The following TBPL1 variants were observed in gnomAD, a reference collection of about 807,000 sequenced individuals.
TBPL1 encodes TATA-box binding protein like 1, also known as TATA box-binding protein-like 1.
A neutral mutation model predicts 22.1 loss-of-function variants in TBPL1; 4 were observed. That is an observed-to-expected ratio of 0.18 (90% confidence interval 0.09 to 0.41). The LOEUF (loss-of-function observed/expected upper bound fraction) is 0.41, where lower values mean the gene tolerates loss of function less well. TBPL1 is among the 10% of genes least tolerant of loss of function. The probability of loss-of-function intolerance (pLI) is 1.00; values close to 1 mark genes in which losing one functional copy is unlikely to be tolerated. For missense variants in TBPL1, 115 were observed against 222.3 expected, an observed-to-expected ratio of 0.52 and a Z score of 3.07; for synonymous variants, 64 against 71.0, an observed-to-expected ratio of 0.90 and a Z score of 0.50.
At chr6:133,976,121 C>T (rs538823297) in intron 1 of TBPL1, among the ~76,000 whole-genome samples, 14 of 151,978 alleles carry the variant, frequency 9.2e-5, no homozygotes, top group Non-Finnish European at 1.8e-4. Context: ...TGTCAAAGGG[C>T]TTGTAGGAAA....
chr6:133,974,544 G>A (rs1453490641), intron 1 of TBPL1, among the ~76,000 whole-genome samples: 3 of 152,180 alleles, frequency 2.0e-5, no homozygotes, highest in African/African-American at 4.8e-5. Flanking sequence ...GGTCAGGCTG[G>A]TCTCAAACTC....
rs1387263063 is a variant in TBPL1 at position 133,987,972 on chromosome 6, C to T, written c.*932C>T. The T allele has an allele frequency of 1.3e-5, 2 of 152,058 alleles. No individual in the cohort carries two copies. Among genetic ancestry groups the T allele is most frequent in the Admixed American group, 1.3e-4 (2 of 15,250 alleles). The allele number at this position is 152,058 out of a possible 1,614,324, so 9.4% of individuals were successfully genotyped here. On this transcript the variant is annotated 3_prime_UTR_variant, in exon 7 of 7. Transcript: ENST00000237264. ...TTTGTTTTTCTGGAAAGACTCAACA[C>T]CTGTAGTTGTAGAGAAGTGATTGAG...
intron 2 of TBPL1, among the ~76,000 whole-genome samples, chr6:133,982,222 C>G (rs1336279110): frequency 6.6e-6 from 1 of 152,140 alleles, no homozygotes; most frequent in African/African-American, 2.4e-5. Context: ...GCTTCTGAAG[C>G]ATGAACAGAT....
intron 6 of TBPL1, among the ~76,000 whole-genome samples, chr6:133,984,951 T>C (rs1434466748): frequency 6.6e-6 from 1 of 152,018 alleles, no homozygotes; most frequent in Non-Finnish European, 1.5e-5. Context: ...TTCGTTCTTA[T>C]TGGGCATTTG....
Position 133,980,145 on chromosome 6 carries a change from T to A in TBPL1, c.20T>A (p.Val7Asp). Residue 7 changes from valine to aspartate, a missense_variant, in exon 2 of 7, where the codon GTT becomes GAT. By Grantham distance (152) the Val-to-Asp change is radical (BLOSUM62 -3). Coordinates refer to ENST00000237264, the MANE Select transcript of TBPL1 (RefSeq NM_004865.4). MDADSD[V>D]ALDILITNVV... ...ACCCCAATGGATGCAGACAGTGATG[T>A]TGCATTGGACATTCTAATTACAAAT... The A allele has an allele frequency of 6.3e-7, 1 of 1,584,636 alleles. No individual in the cohort carries two copies. The highest frequency in any genetic ancestry group is 8.6e-7 in the Non-Finnish European group (1 of 1,166,842).
intron 6 of TBPL1, among the ~76,000 whole-genome samples, chr6:133,985,431 A>C (rs968066545): frequency 6.7e-6 from 1 of 149,388 alleles, no homozygotes; most frequent in African/African-American, 2.5e-5. Context: ...TGAGAAACTC[A>C]TAAATTTCAC....
In TBPL1 at chr6:133,986,897, C is replaced by G; in HGVS notation, c.482-64C>G. On this transcript the variant is annotated intron_variant, in intron 6 of 6. Coordinates refer to ENST00000237264, the MANE Select transcript of TBPL1 (RefSeq NM_004865.4). ...TTGAATATTTTTAATTCTGGAAAAT[C>G]AGTTTTTCCTAGTGCTCCCTTTTCC... is the stretch of plus-strand genomic sequence containing the variant. 5.3e-6 allele frequency: 6 copies of G among 1,134,732 alleles called. No homozygotes were observed. The Middle Eastern group carries it at 6.1e-4, about 115-fold the overall frequency. The allele number at this position is 1,134,732 out of a possible 1,614,324, so 70.3% of individuals were successfully genotyped here. A position where few individuals can be genotyped will look rare whatever the true frequency, so the allele number is the denominator to read the frequency against.
intron 6 of TBPL1, among the ~76,000 whole-genome samples, chr6:133,985,480 A>G (rs1776503274): frequency 6.6e-6 from 1 of 150,882 alleles, no homozygotes; most frequent in African/African-American, 2.4e-5. Context: ...TATAATTGGT[A>G]CCTGTTTGTT....
chr6:133,959,419 T>G (rs1775982777), intron 1 of TBPL1, among the ~76,000 whole-genome samples: 1 of 152,164 alleles, frequency 6.6e-6, no homozygotes, highest in Admixed American at 6.5e-5. Flanking sequence ...ACTTGCCTGT[T>G]TTGAGACAAA....
rs1776543520 is a variant in TBPL1, at chr6:133,987,206, G to A, written c.*166G>A. 2 of 447,134 alleles carry A rather than the reference G, an allele frequency of 4.5e-6. No individual in the cohort carries two copies. Among genetic ancestry groups the A allele is most frequent in the African/African-American group, 2.0e-5 (1 of 49,080 alleles). 27.7% of individuals were successfully genotyped at this position (447,134 alleles called of 1,614,324 possible). ...CCCTTTGGATTTTATTCCAAACCTT[G>A]CTGTAATATAAAAGGAAGTTTACAA... On this transcript the variant is annotated 3_prime_UTR_variant, in exon 7 of 7. Transcript: ENST00000237264.
At chr6:133,954,181 C>T (rs772800602) in intron 1 of TBPL1, among the ~76,000 whole-genome samples, 7 of 152,234 alleles carry the variant, frequency 4.6e-5, no homozygotes, top group Non-Finnish European at 5.9e-5. Context: ...ACTCAAACTG[C>T]AGTCAATCCA....
intron 4 of TBPL1, 49 bp from the exon 5 acceptor site, chr6:133,984,327 G>A (rs756286554): frequency 7.0e-7 from 1 of 1,422,934 alleles, no homozygotes. Context: ...CAGATTTTTT[G>A]TTTGTTTGTT....
intron 1 of TBPL1, among the ~76,000 whole-genome samples, chr6:133,972,797 A>G (rs758288633): frequency 2.6e-5 from 4 of 152,204 alleles, no homozygotes; most frequent in Non-Finnish European, 5.9e-5. Context: ...TCCATCTGTC[A>G]GTAATAGCCA....
chr6:133,982,476 G>GAGT, intron 2 of TBPL1, 92 bp from the exon 3 acceptor site: 1 of 1,067,678 alleles, frequency 9.4e-7, no homozygotes, highest in Non-Finnish European at 1.3e-6. Flanking sequence ...TAAGCTTGGA[G>GAGT]AGTAGTATTT....
intron 1 of TBPL1, among the ~76,000 whole-genome samples, chr6:133,971,522 A>G (rs144201979): frequency 0.01 from 1,551 of 152,250 alleles, 15 homozygotes; most frequent in South Asian, 0.014. Flanking sequence ...TGAGTTTACT[A>G]TCCTACCAAC....
In TBPL1 at chr6:133,989,636, A is replaced by G. The variant is rs1328280539; in HGVS notation, c.*2596A>G. The G allele has an allele frequency of 6.6e-6, 1 of 152,106 alleles. No homozygotes were observed. The highest frequency in any genetic ancestry group is 1.5e-5 in the Non-Finnish European group (1 of 68,014). 9.4% of individuals were successfully genotyped at this position (152,106 alleles called of 1,614,324 possible). ...CTTTCCTTTTAGCTTCCCCCTGCCA[A>G]TTTTTATACAGATAATACACTGCAG... On this transcript the variant is annotated 3_prime_UTR_variant, in exon 7 of 7. Transcript: ENST00000237264.
At chr6:133,974,627 G>A (rs138935413) in intron 1 of TBPL1, among the ~76,000 whole-genome samples, 118 of 152,304 alleles carry the variant, frequency 7.7e-4, no homozygotes, top group African/African-American at 2.6e-3. Context: ...GTGCCCAGAC[G>A]AGTTCAGTTA....
intron 1 of TBPL1, among the ~76,000 whole-genome samples, chr6:133,973,532 A>C (rs1776260464): frequency 6.6e-6 from 1 of 152,174 alleles, no homozygotes; most frequent in Non-Finnish European, 1.5e-5. Context: ...AAAATTTTAA[A>C]TGCAGTAGTC....
intron 1 of TBPL1, chr6:133,969,051 G>A (rs1776172771): frequency 6.6e-6 from 1 of 152,184 alleles, no homozygotes; most frequent in Non-Finnish European, 1.5e-5. Context: ...ACATTATTAA[G>A]ATGAGACAGG....
Sources: gnomAD v4.1 joint callset for allele counts (sites outside exome capture counted in the v4.1 genomes callset) on GRCh38, gnomAD v4.1.1 for gene constraint, MANE v1.5 for transcripts, NCBI Gene and HGNC (gene_info 2026-07-23, HGNC 2026-07-21) for gene names.